TENM2: variants seen among roughly 807,000 people sequenced by gnomAD.
The protein encoded by TENM2 is teneurin transmembrane protein 2.
TENM2 carries 52 observed loss-of-function variants against 245.2 expected under a neutral mutation model. That is an observed-to-expected ratio of 0.21 (90% CI 0.17 to 0.27). TENM2 has a LOEUF of 0.27. Ranked by LOEUF, TENM2 falls within the 10% of genes least tolerant of loss-of-function variation. The pLI, the probability that TENM2 is intolerant of heterozygous loss-of-function variation, is 1.00. For synonymous variants in TENM2, 1,363 were observed against 1,438.9 expected, an observed-to-expected ratio of 0.95 and a Z score of 1.19; for missense variants, 3,046 against 3,666.8, an observed-to-expected ratio of 0.83 and a Z score of 4.37.
the TENM2 span, among the ~76,000 whole-genome samples, chr5:166,993,036 C>G: frequency 6.6e-5 from 10 of 152,028 alleles, no homozygotes; most frequent in South Asian, 2.1e-4. Context: ...TCCCCTCCCC[C>G]ACTCCTGCTT....
chr5:167,617,663 A>C (rs1052629834), intron 2 of TENM2, among the ~76,000 whole-genome samples: 1 of 152,092 alleles, frequency 6.6e-6, no homozygotes, highest in Non-Finnish European at 1.5e-5. Flanking sequence ...AATATCCCCT[A>C]GTAGAGGCTT....
chr5:167,872,582 G>C (rs1473829944), intron 2 of TENM2, among the ~76,000 whole-genome samples: 1 of 150,676 alleles, frequency 6.6e-6, no homozygotes, highest in Non-Finnish European at 1.5e-5. Flanking sequence ...AAGAAAGAAA[G>C]AGTATACCAT....
intron 3 of TENM2, among the ~76,000 whole-genome samples, chr5:167,882,628 C>T (rs1051718659): frequency 5.3e-5 from 8 of 152,186 alleles, no homozygotes; most frequent in African/African-American, 1.9e-4. Flanking sequence ...GCACCTTCTT[C>T]ACAAAGCAGC....
At chr5:167,779,482 T>C (rs777721781) in intron 2 of TENM2, among the ~76,000 whole-genome samples, 1 of 152,146 alleles carries the variant, frequency 6.6e-6, no homozygotes, top group Non-Finnish European at 1.5e-5. Context: ...CATTGTGAGA[T>C]CCCAAAATGC....
At chr5:167,187,340 C>T in the TENM2 span, among the ~76,000 whole-genome samples, 1 of 152,194 alleles carries the variant, frequency 6.6e-6, no homozygotes, top group Non-Finnish European at 1.5e-5. Flanking sequence ...AAGGCTGCCT[C>T]CTCTGATGCT....
At chr5:167,205,891 C>T in the TENM2 span, among the ~76,000 whole-genome samples, 1 of 152,174 alleles carries the variant, frequency 6.6e-6, no homozygotes, top group Non-Finnish European at 1.5e-5. Context: ...TTCCTTGACA[C>T]AAAGGCATAT....
At chr5:167,511,072 C>T (rs1769922519) in intron 2 of TENM2, among the ~76,000 whole-genome samples, 2 of 152,104 alleles carry the variant, frequency 1.3e-5, no homozygotes, top group Non-Finnish European at 1.5e-5. Context: ...TGCCATTTAT[C>T]CCACATGTAT....
intron 2 of TENM2, among the ~76,000 whole-genome samples, chr5:167,381,729 C>A (rs555202624): frequency 4.2e-4 from 64 of 152,168 alleles, no homozygotes; most frequent in Admixed American, 1.4e-3. Context: ...GTTATCAACC[C>A]TGACCTACAT....
exon 4 of TENM2, chr5:167,952,799 C>G: frequency 6.4e-7 from 1 of 1,560,626 alleles, no homozygotes; most frequent in Non-Finnish European, 8.7e-7. Flanking sequence ...GGGTGCTAAA[C>G]AGCAACGTGC....
chr5:167,357,123 T>C (rs972557158), intron 1 of TENM2, among the ~76,000 whole-genome samples: 1 of 152,156 alleles, frequency 6.6e-6, no homozygotes, highest in South Asian at 2.1e-4. Flanking sequence ...AAAGGCCTTG[T>C]CTTAAAGATG....
chr5:167,927,420 T>A (rs1057399535), intron 3 of TENM2, among the ~76,000 whole-genome samples: 3 of 152,216 alleles, frequency 2.0e-5, no homozygotes, highest in Non-Finnish European at 2.9e-5. Flanking sequence ...CAGCCACATG[T>A]GATTCTGCAC....
intron 7 of TENM2, among the ~76,000 whole-genome samples, chr5:168,077,580 C>A (rs993401108): frequency 6.6e-6 from 1 of 152,104 alleles, no homozygotes; most frequent in Non-Finnish European, 1.5e-5. Context: ...CTCCCTGCTA[C>A]CCCCACCCCA....
intron 2 of TENM2, among the ~76,000 whole-genome samples, chr5:167,393,997 G>T (rs770789546): frequency 2.0e-5 from 3 of 152,170 alleles, no homozygotes; most frequent in African/African-American, 7.2e-5. Flanking sequence ...ATATTGAGTT[G>T]TAGGAGCTCC....
chr5:168,213,425 C>G (rs1762937394), intron 20 of TENM2, among the ~76,000 whole-genome samples: 1 of 152,102 alleles, frequency 6.6e-6, no homozygotes, highest in South Asian at 2.1e-4. Context: ...TAGTAATTTA[C>G]TAGCTAATGT....
chr5:167,348,280 C>T lies in TENM2; in HGVS notation c.227-26918C>T, dbSNP rs528680821. 2.7e-4 allele frequency among the ~76,000 whole-genome samples: 41 copies of T among 152,186 alleles called. No homozygotes were observed. In the South Asian group the frequency reaches 7.9e-3, roughly 29 times the overall value. ...CCCTAGGTACCGTTCCTAAGGATTT[C>T]GAGTGTTTAATTGAAATTTCTTCTG... is the stretch of plus-strand genomic sequence containing the variant. On this transcript the variant is annotated intron_variant, in intron 1 of 28. Transcript: ENST00000518659.
intron 2 of TENM2, among the ~76,000 whole-genome samples, chr5:167,375,996 T>C (rs1245506402): frequency 6.6e-6 from 1 of 152,172 alleles, no homozygotes; most frequent in African/African-American, 2.4e-5. Flanking sequence ...AGACTTGTCT[T>C]CAGAAAAAGA....
In TENM2 at chr5:168,143,113, C is replaced by G. The variant is rs191595127; in HGVS notation, c.2422+16147C>G. On this transcript the variant is annotated intron_variant, in intron 12 of 28. Transcript: ENST00000518659. ...GAGAAGGAGTAGCCAAGGGGCTCAC[C>G]AAGTAAATAAAGGGTTTCTCTTGAG... Among the ~76,000 whole-genome samples, 295 of 152,200 alleles carry G rather than the reference C, an allele frequency of 1.9e-3. 3 individuals carry two copies. The highest frequency in any genetic ancestry group is 0.015 in the South Asian group (74 of 4,822).
intron 5 of TENM2, among the ~76,000 whole-genome samples, chr5:168,045,934 T>C (rs758816991): frequency 6.6e-6 from 1 of 152,210 alleles, no homozygotes; most frequent in Non-Finnish European, 1.5e-5. Context: ...AATTAGGTGT[T>C]ACCTTGATGG....
At chr5:167,048,469 T>C in the TENM2 span, among the ~76,000 whole-genome samples, 1 of 152,126 alleles carries the variant, frequency 6.6e-6, no homozygotes, top group Non-Finnish European at 1.5e-5. Context: ...TGTAAGAGAT[T>C]TGGTCACACC....
Sources: allele counts gnomAD v4.1 joint callset (sites outside exome capture counted in the v4.1 genomes callset), GRCh38; gene constraint gnomAD v4.1.1; transcripts MANE v1.5; gene names NCBI Gene and HGNC (gene_info 2026-07-23, HGNC 2026-07-21).